The following NEK1 variants were observed in gnomAD, a reference collection of about 807,000 sequenced individuals.
NEK1 encodes the protein NIMA related kinase 1.
NEK1 carries 137 observed loss-of-function variants against 182.1 expected under a neutral mutation model. The observed-to-expected ratio is 0.75, with a 90% CI of 0.65 to 0.87. The LOEUF (loss-of-function observed/expected upper bound fraction) is 0.87. NEK1 is among the 40% of genes least tolerant of loss of function. The pLI is 0.00. For synonymous variants in NEK1, 513 were observed against 492.2 expected (o/e 1.04, Z -0.56); for missense variants, 1,391 against 1,494.4 (o/e 0.93, Z 1.14).
chr4:169,401,904 AT>A (rs1220432103), intron 32 of NEK1, 44 bp from the exon 33 acceptor site: 2 of 1,504,150 alleles, frequency 1.3e-6, no homozygotes, highest in Non-Finnish European at 1.8e-6. Context: ...ACATACTGAA[AT>A]TTACCAAGTT....
chr4:169,482,365 C>T (rs972625240), intron 23 of NEK1, among the ~76,000 whole-genome samples: 1 of 151,046 alleles, frequency 6.6e-6, no homozygotes, highest in Non-Finnish European at 1.5e-5. Flanking sequence ...AATAATAGCT[C>T]ACTGCAACCT....
At position 169,399,010 on chromosome 4, in the gene NEK1, G is replaced by A. The variant is rs185861754; in HGVS notation, c.3847+1215C>T. ...CACCTGTAATCCCAGCACTTTGGGA[G>A]GCCAAGGAGGGGTGAATCATTTGAG... On this transcript the variant is annotated intron_variant, in intron 35 of 35. Transcript: ENST00000507142. 1.9e-4 allele frequency among the ~76,000 whole-genome samples: 29 copies of A among 152,260 alleles called. No individual in the cohort carries two copies. In the East Asian group the frequency reaches 5.4e-3, roughly 28 times the overall value.
chr4:169,596,799 T>C (rs1299693449), intron 5 of NEK1, among the ~76,000 whole-genome samples: 1 of 152,206 alleles, frequency 6.6e-6, no homozygotes, highest in Non-Finnish European at 1.5e-5. Flanking sequence ...CTATTTTAAA[T>C]AGGCTAAAAT....
At chr4:169,598,369 T>C (rs903066751) in intron 5 of NEK1, among the ~76,000 whole-genome samples, 1 of 151,876 alleles carries the variant, frequency 6.6e-6, no homozygotes, top group African/African-American at 2.4e-5. Flanking sequence ...ATGAGAAATG[T>C]GATAGGAATG....
chr4:169,457,214 G>A (rs901156748), intron 27 of NEK1, among the ~76,000 whole-genome samples: 1 of 152,130 alleles, frequency 6.6e-6, no homozygotes, highest in African/African-American at 2.4e-5. Flanking sequence ...TAAAATAGTA[G>A]AATTGGACTG....
At chr4:169,401,269 A>G (rs187470208) in intron 33 of NEK1, among the ~76,000 whole-genome samples, 3 of 152,318 alleles carry the variant, frequency 2.0e-5, no homozygotes, top group Admixed American at 2.0e-4. Context: ...ATTTACGAAA[A>G]GAGTTTTTAG....
chr4:169,495,425 G>A (rs1561292205), intron 23 of NEK1, among the ~76,000 whole-genome samples: 2 of 151,906 alleles, frequency 1.3e-5, no homozygotes, highest in South Asian at 2.1e-4. Flanking sequence ...TGTATTTTTA[G>A]TAGAGACGGG....
At chr4:169,541,742 C>T (rs772993878) in intron 18 of NEK1, among the ~76,000 whole-genome samples, 6 of 152,116 alleles carry the variant, frequency 3.9e-5, no homozygotes, top group African/African-American at 1.2e-4. Context: ...AAGCAACCTT[C>T]GGTATTAACT....
chr4:169,583,296 T>C (rs569547011), intron 10 of NEK1, among the ~76,000 whole-genome samples: 21 of 149,906 alleles, frequency 1.4e-4, no homozygotes, highest in Non-Finnish European at 2.5e-4. Context: ...TCACAAAGCT[T>C]CTCACCTAAG....
chr4:169,431,761 T>G (rs865893206), intron 29 of NEK1, among the ~76,000 whole-genome samples: 104 of 147,572 alleles, frequency 7.0e-4, no homozygotes, highest in African/African-American at 1.6e-3. Flanking sequence ...AGACTCCGTC[T>G]CCACCAAAAT....
chr4:169,515,447 ATATTT>A (rs966622468), intron 19 of NEK1, among the ~76,000 whole-genome samples: 4 of 150,890 alleles, frequency 2.7e-5, no homozygotes, highest in East Asian at 1.9e-4. Flanking sequence ...TCTGCTCTCT[ATATTT>A]TAAAGTATGG....
chr4:169,603,747 C>G (rs1439090994), intron 2 of NEK1, among the ~76,000 whole-genome samples: 1 of 147,140 alleles, frequency 6.8e-6, no homozygotes, highest in Non-Finnish European at 1.5e-5. Context: ...ACTCTGAAGC[C>G]CAGGATGGAG....
chr4:169,477,552 C>A, intron 24 of NEK1, 55 bp from the exon 25 acceptor site: 2 of 1,295,344 alleles, frequency 1.5e-6, no homozygotes, highest in South Asian at 1.5e-5. Flanking sequence ...TTAAATCTAC[C>A]TTTAAAAATA....
chr4:169,570,554 G>T (rs1422659146), intron 12 of NEK1, among the ~76,000 whole-genome samples: 4 of 148,752 alleles, frequency 2.7e-5, no homozygotes, highest in Admixed American at 1.3e-4. Flanking sequence ...GGAGGGAGGT[G>T]GGGGGGTCAG....
intron 19 of NEK1, among the ~76,000 whole-genome samples, chr4:169,536,959 C>T (rs1758608130): frequency 6.6e-6 from 1 of 152,098 alleles, no homozygotes; most frequent in African/African-American, 2.4e-5. Context: ...AACTATGTTT[C>T]TATGACATTG....
At chr4:169,406,897 C>A in intron 31 of NEK1, 150 bp from the exon 32 acceptor site, 1 of 315,674 alleles carries the variant, frequency 3.2e-6, no homozygotes, top group Non-Finnish European at 5.5e-6. Flanking sequence ...ATATATGTAA[C>A]ATATAAAAAA....
At chr4:169,444,078 T>C (rs1740042478) in intron 27 of NEK1, among the ~76,000 whole-genome samples, 2 of 152,132 alleles carry the variant, frequency 1.3e-5, no homozygotes, top group Admixed American at 6.6e-5. Flanking sequence ...AAAAGGACAG[T>C]ATCTAACACC....
chr4:169,536,216 G>A (rs987245226), intron 19 of NEK1, among the ~76,000 whole-genome samples: 4 of 150,730 alleles, frequency 2.7e-5, no homozygotes, highest in Admixed American at 2.6e-4. Context: ...AGAATCACTT[G>A]AGCCAGGGAG....
At chr4:169,533,287 T>A (rs1053421470) in intron 19 of NEK1, among the ~76,000 whole-genome samples, 2 of 152,218 alleles carry the variant, frequency 1.3e-5, no homozygotes, top group East Asian at 3.8e-4. Context: ...TATGTCCCAC[T>A]CATCCTTCAC....
Sources: gnomAD v4.1 joint callset for allele counts (sites outside exome capture counted in the v4.1 genomes callset) on GRCh38, gnomAD v4.1.1 for gene constraint, MANE v1.5 for transcripts, NCBI Gene and HGNC (gene_info 2026-07-23, HGNC 2026-07-21) for gene names.